The following TTC28 variants were observed in gnomAD, a reference collection of about 807,000 sequenced individuals.
TTC28 encodes the protein tetratricopeptide repeat domain 28, also known as tetratricopeptide repeat protein 28.
A neutral mutation model predicts 198.0 loss-of-function variants in TTC28; 61 were observed. The observed-to-expected ratio is 0.31, with a 90% CI of 0.25 to 0.38. The LOEUF is 0.38. TTC28 is among the 10% of genes least tolerant of loss of function. The pLI, the probability that TTC28 is intolerant of heterozygous loss-of-function variation, is 1.00. For missense variants in TTC28, 2,678 were observed against 3,164.0 expected, an observed-to-expected ratio of 0.85 and a Z score of 3.69; for synonymous variants, 1,171 against 1,297.8, an observed-to-expected ratio of 0.90 and a Z score of 2.10.
At position 28,381,230 on chromosome 22, in the gene TTC28, T is replaced by C. The variant is rs527822753; in HGVS notation, c.382-74587A>G. Among the ~76,000 whole-genome samples the C allele has an allele frequency of 1.1e-4, 16 of 152,166 alleles. No homozygotes were observed. In the East Asian group the frequency reaches 3.1e-3, roughly 29 times the overall value. The stretch of plus-strand genomic sequence containing the variant: ...ATTTGAGGTCTGCCCCCAGCTCTAC[T>C]GATTGGCAATTTGGCCTTAGGCAAC... On this transcript the variant is annotated intron_variant, in intron 2 of 22. Coordinates refer to ENST00000397906, the MANE Select transcript of TTC28 (RefSeq NM_001145418.2).
At chr22:28,196,297 T>G (rs1925329364) in intron 5 of TTC28, among the ~76,000 whole-genome samples, 1 of 152,120 alleles carries the variant, frequency 6.6e-6, no homozygotes, top group South Asian at 2.1e-4. Flanking sequence ...CAAGATGGGA[T>G]AAAAGACTTA....
intron 2 of TTC28, among the ~76,000 whole-genome samples, chr22:28,361,623 TC>T (rs1253710471): frequency 6.6e-6 from 1 of 152,112 alleles, no homozygotes; most frequent in Non-Finnish European, 1.5e-5. Flanking sequence ...ATCCAGAAGA[TC>T]TAGTTAAGAT....
intron 10 of TTC28, 101 bp from the exon 11 acceptor site, chr22:28,096,509 C>T: frequency 8.5e-7 from 1 of 1,170,260 alleles, no homozygotes; most frequent in South Asian, 1.5e-5. Context: ...AACCTCACTG[C>T]CTCTACTCTC....
intron 12 of TTC28, among the ~76,000 whole-genome samples, chr22:28,041,531 T>G (rs1427597270): frequency 6.6e-6 from 1 of 152,228 alleles, no homozygotes; most frequent in Non-Finnish European, 1.5e-5. Context: ...GCTAGCCATA[T>G]GTAGAAAGCT....
intron 14 of TTC28, among the ~76,000 whole-genome samples, chr22:28,013,338 C>T (rs901353942): frequency 6.6e-6 from 1 of 152,204 alleles, no homozygotes; most frequent in African/African-American, 2.4e-5. Context: ...TAACAGTCTA[C>T]GCAAAGGCAT....
At chr22:28,060,803 T>A (rs1487989775) in intron 12 of TTC28, among the ~76,000 whole-genome samples, 1 of 152,132 alleles carries the variant, frequency 6.6e-6, no homozygotes, top group Non-Finnish European at 1.5e-5. Context: ...TTTCTCCACA[T>A]CCTCTCCAGC....
At chr22:28,452,773 G>T (rs1029577492) in intron 2 of TTC28, among the ~76,000 whole-genome samples, 2 of 152,166 alleles carry the variant, frequency 1.3e-5, no homozygotes, top group Non-Finnish European at 2.9e-5. Flanking sequence ...GATTATCTGA[G>T]TCATGGTGGA....
chr22:28,303,235 G>A (rs1381139156), intron 3 of TTC28, among the ~76,000 whole-genome samples: 1 of 152,126 alleles, frequency 6.6e-6, no homozygotes, highest in East Asian at 1.9e-4. Flanking sequence ...GTAATAGTAT[G>A]CTACAACACC....
chr22:28,203,416 G>A (rs1748726135), intron 5 of TTC28, among the ~76,000 whole-genome samples: 1 of 152,100 alleles, frequency 6.6e-6, no homozygotes. Flanking sequence ...ATTGTAACCT[G>A]TAAATGTTCT....
chr22:28,584,502 A>G (rs1309503053), intron 2 of TTC28, among the ~76,000 whole-genome samples: 3 of 152,180 alleles, frequency 2.0e-5, no homozygotes, highest in African/African-American at 7.2e-5. Context: ...TTCATGTGAT[A>G]ATGGGAAGAT....
chr22:28,112,691 C>T (rs1361201110), intron 6 of TTC28, among the ~76,000 whole-genome samples: 2 of 152,184 alleles, frequency 1.3e-5, no homozygotes, highest in Non-Finnish European at 2.9e-5. Flanking sequence ...AGAGTGACTG[C>T]ACATGCTGAG....
In TTC28 at chr22:28,338,485, G is replaced by A. The variant is rs192691343; in HGVS notation, c.382-31842C>T. 8.6e-3 allele frequency among the ~76,000 whole-genome samples: 1,309 copies of A among 152,208 alleles called. 18 individuals are homozygous for A. The highest frequency in any genetic ancestry group is 0.03 in the African/African-American group (1,247 of 41,532). ...TGACTTTCAGGTACACCAATCAGAC[G>A]TAGATTTGGTCTTTTCACATAGTCC... is the stretch of plus-strand genomic sequence containing the variant. On this transcript the variant is annotated intron_variant, in intron 2 of 22. Coordinates refer to ENST00000397906, the MANE Select transcript of TTC28 (RefSeq NM_001145418.2).
At chr22:28,045,723 G>A (rs1220492491) in intron 12 of TTC28, among the ~76,000 whole-genome samples, 5 of 152,188 alleles carry the variant, frequency 3.3e-5, no homozygotes, top group Non-Finnish European at 7.3e-5. Context: ...CAGCACTTTG[G>A]GAGGCCAAGG....
chr22:28,639,947 G>C (rs2051336220), intron 1 of TTC28, among the ~76,000 whole-genome samples: 1 of 152,148 alleles, frequency 6.6e-6, no homozygotes, highest in African/African-American at 2.4e-5. Flanking sequence ...TGTGTGAATG[G>C]ATTTAGCAAG....
At chr22:28,414,404 T>C (rs1260322014) in intron 2 of TTC28, among the ~76,000 whole-genome samples, 2 of 152,198 alleles carry the variant, frequency 1.3e-5, no homozygotes, top group Non-Finnish European at 2.9e-5. Context: ...CAGTGTGTCA[T>C]GTTCTAGGGA....
rs933070805 is a variant in TTC28, at chr22:28,412,472, A to C, written c.382-105829T>G. On this transcript the variant is annotated intron_variant, in intron 2 of 22. Coordinates refer to ENST00000397906, the MANE Select transcript of TTC28 (RefSeq NM_001145418.2). ...AAACCAAAACTCCTTAGCCTGGCAT[A>C]CAAGTCCTTCACAATATGACCCTAT... Among the ~76,000 whole-genome samples the C allele has an allele frequency of 2.0e-5, 3 of 152,204 alleles. No individual in the cohort carries two copies. The East Asian group carries it at 5.8e-4, about 29-fold the overall frequency.
intron 6 of TTC28, among the ~76,000 whole-genome samples, chr22:28,157,139 A>T (rs1340858298): frequency 6.6e-6 from 1 of 152,220 alleles, no homozygotes; most frequent in Non-Finnish European, 1.5e-5. Context: ...ATACTGCAGA[A>T]ATCCAAAGGA....
At chr22:28,581,979 C>A (rs960073189) in intron 2 of TTC28, among the ~76,000 whole-genome samples, 1 of 151,878 alleles carries the variant, frequency 6.6e-6, no homozygotes, top group Non-Finnish European at 1.5e-5. Context: ...AATGTTTTAT[C>A]TCAAAATATT....
chr22:28,400,095 C>T (rs909780527), intron 2 of TTC28, among the ~76,000 whole-genome samples: 1 of 152,282 alleles, frequency 6.6e-6, no homozygotes, highest in African/African-American at 2.4e-5. Context: ...CTACATACTT[C>T]TGCAATCTGA....
Sources: gnomAD v4.1 joint callset for allele counts (sites outside exome capture counted in the v4.1 genomes callset) on GRCh38, gnomAD v4.1.1 for gene constraint, MANE v1.5 for transcripts, NCBI Gene and HGNC (gene_info 2026-07-23, HGNC 2026-07-21) for gene names.